The following ARFRP1 variants were observed in gnomAD, a reference collection of about 807,000 sequenced individuals.
ARFRP1 encodes the protein ARF related protein 1.
A neutral mutation model predicts 30.3 loss-of-function variants in ARFRP1; 19 were observed. The ratio of observed to expected loss-of-function variants is 0.63; its 90% confidence interval spans 0.44 to 0.92. The LOEUF (loss-of-function observed/expected upper bound fraction) is 0.92, where lower values mean the gene tolerates loss of function less well. ARFRP1 is among the 40% of genes least tolerant of loss of function. The pLI, the probability that ARFRP1 is intolerant of heterozygous loss-of-function variation, is 0.00. For missense variants in ARFRP1, 245 were observed against 267.5 expected (o/e 0.92, Z 0.59); for synonymous variants, 133 against 114.2 (o/e 1.16, Z -1.05).
In ARFRP1 at chr20:63,707,046, C is replaced by T. The variant is rs773746876; in HGVS notation, c.46G>A (p.Asp16Asn). Residue 16 changes from aspartate (D) to asparagine (N), a missense_variant, in exon 2 of 8, where the codon GAC (aspartate) becomes AAC (asparagine). By Grantham distance (23) the Asp-to-Asn change is conservative. Coordinates refer to ENST00000622789, the MANE Select transcript of ARFRP1 (RefSeq NM_001267547.3). ...SGLYKYMFQK[D>N]EYCILILGLD... is the part of the protein sequence containing the mutation. The stretch of plus-strand genomic sequence containing the variant: ...CCCAGGATCAGGATGCAGTACTCGT[C>T]CTTCTGAAACATGTACTTGTACAAG... The T allele has an allele frequency of 1.2e-6, 2 of 1,613,912 alleles. No individual in the cohort carries two copies. Among genetic ancestry groups the T allele is most frequent in the Non-Finnish European group, 1.7e-6 (2 of 1,179,998 alleles).
chr20:63,702,313 G>A (rs1199434472), intron 4 of ARFRP1, 96 bp from the exon 5 acceptor site: 2 of 1,227,882 alleles, frequency 1.6e-6, no homozygotes, highest in Non-Finnish European at 2.3e-6. Flanking sequence ...GGGCTCACAT[G>A]AGGAAGGGGC....
chr20:63,705,752 G>A (rs2091423652), intron 4 of ARFRP1: 1 of 533,096 alleles, frequency 1.9e-6, no homozygotes, highest in African/African-American at 1.9e-5. Context: ...CTTTGGAGGA[G>A]TGCAGGGTCC....
intron 4 of ARFRP1, chr20:63,704,712 G>A (rs2091375471): frequency 6.6e-6 from 1 of 152,266 alleles, no homozygotes; most frequent in African/African-American, 2.4e-5. Flanking sequence ...GTCCACATAG[G>A]GCTGCAGCTG....
rs772347254 is a variant in ARFRP1 at position 63,706,703 on chromosome 20, C to G, written c.129G>C (p.Lys43Asn). The G allele has an allele frequency of 3.1e-6, 5 of 1,614,022 alleles. No homozygotes were observed. In the East Asian group the frequency reaches 1.1e-4, roughly 36 times the overall value. Reference sequence around the variant, plus strand: ...TGGATAGACTCATCCCCTTGTAGTTCTTGTTAAATCGGGTTTTCGACTGCT... The same window carrying G: ...TGGATAGACTCATCCCCTTGTAGTTGTTGTTAAATCGGGTTTTCGACTGCT... Reference protein sequence around the residue: ...FLEQSKTRFNKNYKGMSLSKI... With the variant: ...FLEQSKTRFNNNYKGMSLSKI... The change falls in exon 3 of 8, where the codon AAG becomes AAC. Residue 43 changes from lysine (K) to asparagine (N), a missense_variant. Physicochemically the swap from Lys to Asn is moderately conservative, Grantham distance 94 (BLOSUM62 0). Coordinates refer to ENST00000622789, the MANE Select transcript of ARFRP1 (RefSeq NM_001267547.3).
chr20:63,703,200 G>A (rs540169794), intron 4 of ARFRP1: 1 of 152,376 alleles, frequency 6.6e-6, no homozygotes, highest in South Asian at 2.1e-4. Context: ...GGACAAGCTG[G>A]TGGTCAGTGT....
At chr20:63,707,290 TG>T in intron 1 of ARFRP1, 193 bp from the exon 2 acceptor site, 3 of 585,624 alleles carry the variant, frequency 5.1e-6, no homozygotes. Context: ...CACTGTGTCC[TG>T]CTCACAGCAA....
chr20:63,702,476 G>C (rs1055786013), intron 4 of ARFRP1: 4 of 515,964 alleles, frequency 7.8e-6, no homozygotes, highest in Non-Finnish European at 1.4e-5. Context: ...GATTGGGCCA[G>C]GCGTGGTGGC....
At position 63,701,830 on chromosome 20, in the gene ARFRP1, C is replaced by T; in HGVS notation, c.417G>A (p.Glu139=). ...VLVLANKQDV[E]TCLSIPDIKT... ...TGCGGGAGGCAGGGGTGGGGCTCACCTCCACATCCTGCTTGTTGGCCAGCA... is the reference window on the plus strand; with the variant it reads ...TGCGGGAGGCAGGGGTGGGGCTCACTTCCACATCCTGCTTGTTGGCCAGCA... The change falls in exon 6 of 8, where the codon GAG becomes GAA. Residue 139 remains glutamate (E), a splice_region_variant and synonymous_variant. Coordinates refer to ENST00000622789, the MANE Select transcript of ARFRP1 (RefSeq NM_001267547.3). 1 of 1,550,196 alleles carries T rather than the reference C, an allele frequency of 6.5e-7. No homozygotes were observed. The highest frequency in any genetic ancestry group is 8.7e-7 in the Non-Finnish European group (1 of 1,146,920).
intron 5 of ARFRP1, 42 bp downstream of exon 5, chr20:63,702,094 A>T (rs917593207): frequency 6.4e-7 from 1 of 1,555,040 alleles, no homozygotes; most frequent in East Asian, 2.3e-5. Context: ...ACCTGCCCCC[A>T]CTCACCATCC....
At position 63,707,116 on chromosome 20, in the gene ARFRP1, G is replaced by T; in HGVS notation, c.-6-19C>A. ...TCCTGCCCTGGGCACCCCAACATAG[G>T]TCAGTGTGCAGCCAGAAAGCACCTC... On this transcript the variant is annotated intron_variant, in intron 1 of 7. Transcript: ENST00000622789. 1.3e-6 allele frequency: 2 copies of T among 1,583,996 alleles called. No homozygotes were observed. Among genetic ancestry groups the T allele is most frequent in the Non-Finnish European group, 1.7e-6 (2 of 1,165,058 alleles).
chr20:63,705,193 T>G (rs1475087963), intron 4 of ARFRP1: 1 of 155,170 alleles, frequency 6.4e-6, no homozygotes, highest in Non-Finnish European at 1.4e-5. Flanking sequence ...CTGACTTCAG[T>G]GGTCCTACAG....
chr20:63,705,794 GAGAAAGA>G (rs1568767219), intron 4 of ARFRP1: 1 of 531,330 alleles, frequency 1.9e-6, no homozygotes, highest in East Asian at 5.5e-5. Context: ...TGTCCTGACT[GAGAAAGA>G]AACAGACTGC....
At chr20:63,702,424 C>T (rs866692621) in intron 4 of ARFRP1, 19 of 580,634 alleles carry the variant, frequency 3.3e-5, no homozygotes, top group Middle Eastern at 9.3e-4. Flanking sequence ...GAGAACCTGC[C>T]GGCAACCTTT....
At chr20:63,706,534 C>A in intron 3 of ARFRP1, 95 bp from the exon 4 acceptor site, 1 of 1,525,326 alleles carries the variant, frequency 6.6e-7, no homozygotes, top group Non-Finnish European at 9.1e-7. Context: ...CATGCTGGTG[C>A]CACTCAAATG....
In ARFRP1 at chr20:63,700,486, A is replaced by G; in HGVS notation, c.563T>C (p.Val188Ala). Reference sequence around the variant, plus strand: ...CCGCGGCGGCCGGTGCACATTCCGCACGACACACTTCACCATCCACTCGAT... The same window carrying G: ...CCGCGGCGGCCGGTGCACATTCCGCGCGACACACTTCACCATCCACTCGAT... ...EGIEWMVKCV[V>A]RNVHRPPRQR... Residue 188 changes from valine to alanine, a missense_variant, in exon 8 of 8, where the codon GTG becomes GCG. Coordinates refer to ENST00000622789, the MANE Select transcript of ARFRP1 (RefSeq NM_001267547.3). The G allele has an allele frequency of 6.2e-7, 1 of 1,610,438 alleles. No homozygotes were observed. The highest frequency in any genetic ancestry group is 8.5e-7 in the Non-Finnish European group (1 of 1,179,862).
rs1230286026 is a variant in ARFRP1, at chr20:63,701,812, G to C, written c.417+18C>G. 1 of 1,549,294 alleles carries C rather than the reference G, an allele frequency of 6.5e-7. No individual in the cohort carries two copies. The highest frequency in any genetic ancestry group is 8.7e-7 in the Non-Finnish European group (1 of 1,146,410). Reference sequence around the variant, plus strand: ...GGGGACTCGGGAAGCTGCTGCGGGAGGCAGGGGTGGGGCTCACCTCCACAT... The same window carrying C: ...GGGGACTCGGGAAGCTGCTGCGGGACGCAGGGGTGGGGCTCACCTCCACAT... On this transcript the variant is annotated intron_variant, in intron 6 of 7. Coordinates refer to ENST00000622789, the MANE Select transcript of ARFRP1 (RefSeq NM_001267547.3).
Position 63,700,513 on chromosome 20 carries a change from C to A in ARFRP1, c.536G>T (p.Gly179Val). The change falls in exon 8 of 8, where the codon GGC (glycine) becomes GTC (valine). Residue 179 changes from glycine to valine, a missense_variant. Gly to Val is a moderately radical substitution (Grantham distance 109, BLOSUM62 -3). Transcript: ENST00000622789. ...GACACACTTCACCATCCACTCGATG[C>A]CCTCGCGCACCCCTTTGCTGTGAAG... ...SALTGKGVRE[G>V]IEWMVKCVVR... is the part of the protein sequence containing the mutation. The A allele has an allele frequency of 6.2e-7, 1 of 1,610,798 alleles. No individual in the cohort carries two copies. Among genetic ancestry groups the A allele is most frequent in the Non-Finnish European group, 8.5e-7 (1 of 1,179,858 alleles).
intron 3 of ARFRP1, 44 bp from the exon 4 acceptor site, chr20:63,706,483 C>A (rs757943900): frequency 6.3e-7 from 1 of 1,589,978 alleles, no homozygotes; most frequent in Admixed American, 1.7e-5. Context: ...CCTTGGTCCT[C>A]GACACACCCA....
At position 63,706,900 on chromosome 20, in the gene ARFRP1, G is replaced by A. The variant is rs1214127286; in HGVS notation, c.93+99C>T. 2.5e-5 allele frequency: 35 copies of A among 1,414,284 alleles called. 1 individual carries two copies. The highest frequency in any genetic ancestry group is 5.0e-6 in the Non-Finnish European group (5 of 1,007,400). The allele number at this position is 1,414,284 out of a possible 1,614,324, so 87.6% of individuals were successfully genotyped here. ...TATCCTGCCGTCTCAGGTGAAATTT[G>A]GCTTCCGTCTGGGTAGTGAACGTGC... On this transcript the variant is annotated intron_variant, in intron 2 of 7. Coordinates refer to ENST00000622789, the MANE Select transcript of ARFRP1 (RefSeq NM_001267547.3).
Sources: gnomAD v4.1 joint callset for allele counts on GRCh38, gnomAD v4.1.1 for gene constraint, MANE v1.5 for transcripts, NCBI Gene and HGNC (gene_info 2026-07-23, HGNC 2026-07-21) for gene names.